The following EPHX1 variants were observed in gnomAD, a reference collection of about 807,000 sequenced individuals.
The protein encoded by EPHX1 is epoxide hydrolase 1.
Under a neutral mutation model 43.2 loss-of-function variants are expected in EPHX1, and 40 were observed. The ratio of observed to expected loss-of-function variants is 0.93; its 90% CI spans 0.72 to 1.21. The LOEUF is 1.21. Among genes scored for constraint, EPHX1 ranks in the 50% most tolerant of loss-of-function variants. The pLI is 0.00. For missense variants in EPHX1, 550 were observed against 570.4 expected, an observed-to-expected ratio of 0.96 and a Z score of 0.36; for synonymous variants, 221 against 226.7, an observed-to-expected ratio of 0.98 and a Z score of 0.22.
At chr1:225,838,963 C>T (rs778228355) in intron 4 of EPHX1, 82 bp downstream of exon 4, 50 of 1,513,540 alleles carry the variant, frequency 3.3e-5, no homozygotes, top group East Asian at 2.5e-4. Context: ...CTCCTTCCGG[C>T]GGGGTGAGCA....
At position 225,839,206 on chromosome 1, in the gene EPHX1, A is replaced by C; in HGVS notation, c.593-11A>C. ...ACTCCGTGACTCCATGCCTTTCCCC[A>C]TCACTGCCAGGGTTCAACTCGGTGG... On this transcript the variant is annotated splice_polypyrimidine_tract_variant and intron_variant, in intron 4 of 8. Coordinates refer to ENST00000272167, the MANE Select transcript of EPHX1 (RefSeq NM_001136018.4). 2 of 1,613,984 alleles carry C rather than the reference A, an allele frequency of 1.2e-6. No homozygotes were observed. Among genetic ancestry groups the C allele is most frequent in the Admixed American group, 3.3e-5 (2 of 60,028 alleles).
chr1:225,830,815 T>C (rs1055027040), intron 2 of EPHX1, among the ~76,000 whole-genome samples: 2 of 152,120 alleles, frequency 1.3e-5, no homozygotes, highest in Non-Finnish European at 2.9e-5. Context: ...TTCAATGTTG[T>C]ATATCAGGGG....
rs763161291 is a variant in EPHX1, at chr1:225,835,382, CTTTTTTTTTT to C, written c.365-3259_365-3250del. Among the ~76,000 whole-genome samples, 11 of 90,978 alleles carry C rather than the reference CTTTTTTTTTT, an allele frequency of 1.2e-4. 1 individual carries two copies. Among genetic ancestry groups the C allele is most frequent in the Non-Finnish European group, 2.1e-5 (1 of 46,652 alleles). The allele number at this position is 90,978 out of a possible 152,430, so 59.7% of individuals were successfully genotyped here. A position where few individuals can be genotyped will look rare whatever the true frequency, so the allele number is the denominator to read the frequency against. ...CACAGGTATGCACCACCACACTAGG[CTTTTTTTTTT>C]TTTTTTTTTTTTCTTGAGACGGAGT... is the stretch of plus-strand genomic sequence containing the variant. On this transcript the variant is annotated intron_variant, in intron 3 of 8. Transcript: ENST00000272167.
At chr1:225,823,048 T>C (rs1667048313) in intron 1 of EPHX1, among the ~76,000 whole-genome samples, 1 of 152,160 alleles carries the variant, frequency 6.6e-6, no homozygotes, top group Non-Finnish European at 1.5e-5. Context: ...ATGTTGATAA[T>C]AAGTAGTTCA....
intron 7 of EPHX1, among the ~76,000 whole-genome samples, chr1:225,844,119 AAAG>A (rs1416515306): frequency 6.6e-6 from 1 of 152,140 alleles, no homozygotes; most frequent in Non-Finnish European, 1.5e-5. Context: ...ACATGAATTA[AAAG>A]AAGGTAAGGA....
intron 2 of EPHX1, among the ~76,000 whole-genome samples, chr1:225,829,775 A>G (rs1162937586): frequency 1.3e-5 from 2 of 152,134 alleles, no homozygotes; most frequent in African/African-American, 2.4e-5. Context: ...AAAGTAGACT[A>G]AAAGATAAAT....
chr1:225,838,692 C>G lies in EPHX1; in HGVS notation c.403C>G (p.Leu135Val), dbSNP rs754199890. The change falls in exon 4 of 9, where the codon CTG becomes GTG. Residue 135 changes from leucine to valine, a missense_variant. Leu to Val is a conservative substitution (Grantham distance 32). Transcript: ENST00000272167. ...CTTCATCCACGTGAAGCCCCCCCAGCTGCCCGCAGGCCATACCCCGAAGCC... is the reference window on the plus strand; with the variant it reads ...CTTCATCCACGTGAAGCCCCCCCAGGTGCCCGCAGGCCATACCCCGAAGCC... ...IHFIHVKPPQLPAGHTPKPLL... is the reference protein window; with the variant it reads ...IHFIHVKPPQVPAGHTPKPLL... 5 of 1,614,054 alleles carry G rather than the reference C, an allele frequency of 3.1e-6. No individual in the cohort carries two copies. The East Asian group carries it at 8.9e-5, about 29-fold the overall frequency.
At chr1:225,835,633 C>T (rs1576018531) in intron 3 of EPHX1, among the ~76,000 whole-genome samples, 1 of 151,894 alleles carries the variant, frequency 6.6e-6, no homozygotes, top group East Asian at 1.9e-4. Context: ...TCGTGATCCA[C>T]CTGCCTCAGC....
chr1:225,838,802 C>G lies in EPHX1; in HGVS notation c.513C>G (p.Gly171=). The G allele has an allele frequency of 6.2e-7, 1 of 1,614,212 alleles. No individual in the cohort carries two copies. The change falls in exon 4 of 9, where the codon GGC becomes GGG. Residue 171 remains glycine (G), a synonymous_variant. Transcript: ENST00000272167. The part of the protein sequence containing the change: ...IPLLTDPKNH[G]LSDEHVFEVI... ...TCCTGACTGACCCCAAGAACCATGG[C>G]CTGAGCGATGAGCACGTTTTTGAAG...
intron 3 of EPHX1, among the ~76,000 whole-genome samples, chr1:225,837,183 A>T (rs553436999): frequency 6.6e-6 from 1 of 152,368 alleles, no homozygotes; most frequent in Admixed American, 6.5e-5. Flanking sequence ...GTGGGATTAC[A>T]TGTGAGTCTT....
rs1390775809 is a variant in EPHX1 at position 225,839,205 on chromosome 1, C to T, written c.593-12C>T. ...GACTCCGTGACTCCATGCCTTTCCC[C>T]ATCACTGCCAGGGTTCAACTCGGTG... On this transcript the variant is annotated splice_polypyrimidine_tract_variant and intron_variant, in intron 4 of 8. Transcript: ENST00000272167. 6.2e-7 allele frequency: 1 copy of T among 1,613,908 alleles called. No homozygotes were observed. Among genetic ancestry groups the T allele is most frequent in the African/African-American group, 1.3e-5 (1 of 74,922 alleles).
intron 1 of EPHX1, among the ~76,000 whole-genome samples, chr1:225,812,536 CTG>C (rs1438928977): frequency 6.6e-6 from 1 of 152,194 alleles, no homozygotes; most frequent in Non-Finnish European, 1.5e-5. Context: ...TTAAGCATAA[CTG>C]GCATTTTCAG....
intron 1 of EPHX1, among the ~76,000 whole-genome samples, chr1:225,828,487 A>G (rs934263870): frequency 4.7e-5 from 7 of 150,530 alleles, no homozygotes; most frequent in Admixed American, 3.3e-4. Flanking sequence ...ATTTTGTCTC[A>G]TTGTCTGTTG....
chr1:225,828,653 G>T, intron 1 of EPHX1, 72 bp from the exon 2 acceptor site: 1 of 1,526,962 alleles, frequency 6.5e-7, no homozygotes, highest in Non-Finnish European at 9.0e-7. Context: ...GCCTGCTGGG[G>T]ATCAGAGTCT....
intron 1 of EPHX1, among the ~76,000 whole-genome samples, chr1:225,823,556 C>T (rs1212222275): frequency 6.6e-6 from 1 of 152,216 alleles, no homozygotes; most frequent in East Asian, 1.9e-4. Flanking sequence ...CTGCTGAGTT[C>T]CTCTCCAGCT....
chr1:225,844,402 T>G (rs1668732512), intron 7 of EPHX1, 96 bp from the exon 8 acceptor site: 1 of 1,598,648 alleles, frequency 6.3e-7, no homozygotes, highest in African/African-American at 1.3e-5. Flanking sequence ...GGAAGCCGCA[T>G]GGGCAGGGCC....
intron 7 of EPHX1, among the ~76,000 whole-genome samples, 177 bp downstream of exon 7, chr1:225,842,651 C>G (rs976015794): frequency 6.6e-6 from 1 of 152,240 alleles, no homozygotes; most frequent in Non-Finnish European, 1.5e-5. Context: ...GTGAGGTGGC[C>G]TGGTGGGTTG....
At chr1:225,829,806 G>A (rs1442049681) in intron 2 of EPHX1, among the ~76,000 whole-genome samples, 1 of 152,194 alleles carries the variant, frequency 6.6e-6, no homozygotes, top group African/African-American at 2.4e-5. Flanking sequence ...TAGGTGCGGT[G>A]GCTCACGCTT....
At position 225,838,645 on chromosome 1, in the gene EPHX1, T is replaced by TC. The variant is rs1213480556; in HGVS notation, c.365-3dup. 1.2e-6 allele frequency: 2 copies of TC among 1,611,294 alleles called. No homozygotes were observed. Among genetic ancestry groups the TC allele is most frequent in the Non-Finnish European group, 1.7e-6 (2 of 1,177,708 alleles). On this transcript the variant is annotated splice_polypyrimidine_tract_variant and intron_variant, in intron 3 of 8. Coordinates refer to ENST00000272167, the MANE Select transcript of EPHX1 (RefSeq NM_001136018.4). ...CTCCCTCCACCCTGACTGTGCTCTG[T>TC]CCCCCCAGGGCTGGACATCCACTTC...
Sources: allele counts gnomAD v4.1 joint callset (sites outside exome capture counted in the v4.1 genomes callset), GRCh38; gene constraint gnomAD v4.1.1; transcripts MANE v1.5; gene names NCBI Gene and HGNC (gene_info 2026-07-23, HGNC 2026-07-21).